Variants in GRIK3 observed in about 807,000 individuals in gnomAD.
The protein encoded by GRIK3 is glutamate ionotropic receptor kainate type subunit 3, also known as glutamate receptor ionotropic, kainate 3.
GRIK3 carries 29 observed loss-of-function variants against 102.5 expected under a neutral mutation model. That is an observed-to-expected ratio of 0.28 (90% confidence interval 0.21 to 0.39). GRIK3 has a LOEUF of 0.39. Among genes scored for constraint, GRIK3 ranks in the 10% least tolerant of loss-of-function variants. The pLI is 1.00. For synonymous variants in GRIK3, 511 were observed against 504.9 expected (o/e 1.01, Z -0.16); for missense variants, 908 against 1,252.4 (o/e 0.73, Z 4.15).
intron 1 of GRIK3, among the ~76,000 whole-genome samples, chr1:37,015,356 C>G (rs1169565198): frequency 6.6e-6 from 1 of 152,206 alleles, no homozygotes; most frequent in Admixed American, 6.5e-5. Context: ...TTATCCAGAA[C>G]TTAATCCACT....
chr1:36,935,022 C>T (rs1191826278), intron 1 of GRIK3, among the ~76,000 whole-genome samples: 1 of 152,196 alleles, frequency 6.6e-6, no homozygotes, highest in African/African-American at 2.4e-5. Flanking sequence ...CCCTTCCTCC[C>T]CATTGCCCAC....
At chr1:36,972,778 C>T (rs1211855023) in intron 1 of GRIK3, among the ~76,000 whole-genome samples, 1 of 152,184 alleles carries the variant, frequency 6.6e-6, no homozygotes, top group Non-Finnish European at 1.5e-5. Context: ...AAAAGTGACT[C>T]ACCCAATGTC....
chr1:36,967,370 A>T (rs1642091815), intron 1 of GRIK3, among the ~76,000 whole-genome samples: 3 of 152,066 alleles, frequency 2.0e-5, no homozygotes, highest in Admixed American at 2.0e-4. Flanking sequence ...TTCTGCTCCA[A>T]CCTCCATGCC....
chr1:37,017,910 CT>C (rs1642671145), intron 1 of GRIK3, among the ~76,000 whole-genome samples: 1 of 152,176 alleles, frequency 6.6e-6, no homozygotes, highest in Admixed American at 6.5e-5. Flanking sequence ...AATGAGTCCT[CT>C]TTTGACGTCA....
intron 1 of GRIK3, among the ~76,000 whole-genome samples, chr1:36,999,716 G>T (rs1400503374): frequency 1.3e-5 from 2 of 152,160 alleles, no homozygotes; most frequent in Non-Finnish European, 2.9e-5. Context: ...TGCCCCTTGT[G>T]GGGGTGACAT....
At chr1:36,866,200 A>G (rs1440942019) in intron 5 of GRIK3, among the ~76,000 whole-genome samples, 1 of 152,172 alleles carries the variant, frequency 6.6e-6, no homozygotes. Context: ...AGGGTTTTGG[A>G]ACTGGTGTAG....
chr1:36,999,983 C>T (rs1557458376), intron 1 of GRIK3, among the ~76,000 whole-genome samples: 1 of 152,132 alleles, frequency 6.6e-6, no homozygotes, highest in East Asian at 1.9e-4. Context: ...GGTGACAGAG[C>T]GAGACTCCGT....
chr1:36,841,909 C>A lies in GRIK3; in HGVS notation c.1357G>T (p.Asp453Tyr), dbSNP rs1277571708. The A allele has an allele frequency of 6.2e-7, 1 of 1,614,228 alleles. No individual in the cohort carries two copies. The change falls in exon 10 of 16, where the codon GAC (aspartate) becomes TAC (tyrosine). Residue 453 changes from aspartate (D) to tyrosine (Y), a missense_variant. Asp to Tyr is a radical substitution (Grantham distance 160). Transcript: ENST00000373091. ...CGGTCATTCCCGTATAGCGTCCTGT[C>A]TGATTTCCGAAACATGACGAAGGGC... ...EEPFVMFRKS[D>Y]RTLYGNDRFE...
At chr1:36,868,682 G>A (rs476894) in intron 5 of GRIK3, among the ~76,000 whole-genome samples, 127,248 of 152,248 alleles carry the variant, frequency 0.84, 54,597 homozygotes, top group Non-Finnish European at 0.93. Context: ...ACCATGAAGA[G>A]CTAACTTGCC....
At chr1:36,931,398 T>C (rs1641586600) in intron 1 of GRIK3, among the ~76,000 whole-genome samples, 1 of 152,130 alleles carries the variant, frequency 6.6e-6, no homozygotes, top group Non-Finnish European at 1.5e-5. Context: ...TCTGATCACT[T>C]TTTCTGAGGT....
At chr1:36,910,039 C>T (rs78672225) in intron 1 of GRIK3, among the ~76,000 whole-genome samples, 8,655 of 152,224 alleles carry the variant, frequency 0.057, 374 homozygotes, top group Non-Finnish European at 0.086. Context: ...CCTCTGACCT[C>T]ATGACTGTTT....
intron 1 of GRIK3, among the ~76,000 whole-genome samples, chr1:37,008,041 G>A (rs1283035747): frequency 6.6e-6 from 1 of 152,202 alleles, no homozygotes; most frequent in Non-Finnish European, 1.5e-5. Flanking sequence ...AAACCTCCAA[G>A]AGAAACACCT....
Position 36,908,690 on chromosome 1 carries a change from G to A in GRIK3, c.116-17594C>T, listed in dbSNP as rs138476037. On this transcript the variant is annotated intron_variant, in intron 1 of 15. Coordinates refer to ENST00000373091, the MANE Select transcript of GRIK3 (RefSeq NM_000831.4). ...ATAGTGTAATTGGCATTAATTTGAA[G>A]AGCCAGTTCATTATGAAAATAATTG... is the stretch of plus-strand genomic sequence containing the variant. Among the ~76,000 whole-genome samples the A allele has an allele frequency of 7.0e-3, 1,060 of 152,278 alleles. 12 individuals carry two copies. The highest frequency in any genetic ancestry group is 0.023 in the African/African-American group (956 of 41,542).
chr1:36,954,943 A>AC (rs751527128), intron 1 of GRIK3, among the ~76,000 whole-genome samples: 34 of 152,360 alleles, frequency 2.2e-4, no homozygotes, highest in Admixed American at 1.0e-3. Context: ...ACGAACACAC[A>AC]CACACAGGTC....
At chr1:36,940,060 T>C (rs115738073) in intron 1 of GRIK3, among the ~76,000 whole-genome samples, 1,608 of 152,302 alleles carry the variant, frequency 0.011, 28 homozygotes, top group African/African-American at 0.037. Flanking sequence ...CTCAGGGACT[T>C]CCATGACAGG....
At chr1:36,936,664 G>A (rs113826412) in intron 1 of GRIK3, among the ~76,000 whole-genome samples, 7 of 152,080 alleles carry the variant, frequency 4.6e-5, no homozygotes, top group South Asian at 2.1e-4. Context: ...ACTCACACAC[G>A]TACTTGTTTA....
chr1:36,978,090 T>A (rs1254786265), intron 1 of GRIK3, among the ~76,000 whole-genome samples: 2 of 152,260 alleles, frequency 1.3e-5, no homozygotes, highest in Non-Finnish European at 2.9e-5. Context: ...AAATAGCACT[T>A]CCAGAAAAAT....
chr1:37,034,481 C>G lies in GRIK3; in HGVS notation c.-373G>C, dbSNP rs1019272183. Among the ~76,000 whole-genome samples the G allele has an allele frequency of 1.3e-4, 20 of 151,636 alleles. No homozygotes were observed. Among genetic ancestry groups the G allele is most frequent in the African/African-American group, 4.6e-4 (19 of 41,412 alleles). On this transcript the variant is annotated 5_prime_UTR_variant, in exon 1 of 16. Transcript: ENST00000373091. ...GCACGCGTCTCCGGCCGCTCCTCCT[C>G]CAGCCGCCGCCGATGCTATCGCCCG...
intron 5 of GRIK3, among the ~76,000 whole-genome samples, chr1:36,869,138 C>T (rs1167361130): frequency 6.6e-6 from 1 of 152,200 alleles, no homozygotes; most frequent in African/African-American, 2.4e-5. Flanking sequence ...ACTCAGGCCA[C>T]AGCTAATTAT....
Sources: allele counts gnomAD v4.1 joint callset (sites outside exome capture counted in the v4.1 genomes callset), GRCh38; gene constraint gnomAD v4.1.1; transcripts MANE v1.5; gene names NCBI Gene and HGNC (gene_info 2026-07-23, HGNC 2026-07-21).